Variants in RASAL3 observed in about 807,000 individuals in gnomAD.
RASAL3 encodes the protein RAS protein activator like 3, also known as RAS protein activator like-3.
A neutral mutation model predicts 105.5 loss-of-function variants in RASAL3; 74 were observed. The ratio of observed to expected loss-of-function variants is 0.70; its 90% CI spans 0.58 to 0.85. The LOEUF is 0.85. RASAL3 is among the 40% of genes least tolerant of loss of function. The pLI, the probability that RASAL3 is intolerant of heterozygous loss-of-function variation, is 0.00. For synonymous variants in RASAL3, 579 were observed against 591.6 expected, an observed-to-expected ratio of 0.98 and a Z score of 0.31; for missense variants, 1,352 against 1,392.0, an observed-to-expected ratio of 0.97 and a Z score of 0.46.
rs201985806 is a variant in RASAL3, at chr19:15,458,587, C to T, written c.731G>A (p.Arg244Gln). 8.1e-6 allele frequency: 13 copies of T among 1,613,508 alleles called. No individual in the cohort carries two copies. The highest frequency in any genetic ancestry group is 1.7e-4 in the Middle Eastern group (1 of 6,060). The change falls in exon 7 of 18, where the codon CGG (arginine) becomes CAG (glutamine). Residue 244 changes from arginine (R) to glutamine (Q), a missense_variant. Physicochemically the swap from Arg to Gln is conservative, Grantham distance 43. This residue lies in a region of RASAL3 where 344 missense variants were observed against 339.6 expected (regional missense o/e 1.01). Transcript: ENST00000343625. ...TLSELDLGAE[R>Q]DVRIWPLHPS... Reference sequence around the variant, plus strand: ...GTGCAGTGGCCAGATCCGCACATCCCGCTCGGCACCCAGGTCCAGTTCAGA... The same window carrying T: ...GTGCAGTGGCCAGATCCGCACATCCTGCTCGGCACCCAGGTCCAGTTCAGA...
At position 15,453,606 on chromosome 19, in the gene RASAL3, T is replaced by C; in HGVS notation, c.2280-109A>G. On this transcript the variant is annotated intron_variant, in intron 14 of 17. Coordinates refer to ENST00000343625, the MANE Select transcript of RASAL3 (RefSeq NM_022904.3). This position sits in a 1 kb window ranked among gnomAD's most constrained non-coding sequence, Gnocchi z 4.2. ...CCCACGTGAACTTGTCCTTTCTTTTTTTTTTTTGAGACAAGGTCTTGCTCT... is the reference window on the plus strand; with the variant it reads ...CCCACGTGAACTTGTCCTTTCTTTTCTTTTTTTGAGACAAGGTCTTGCTCT... 1 of 1,177,938 alleles carries C rather than the reference T, an allele frequency of 8.5e-7. No individual in the cohort carries two copies. Among genetic ancestry groups the C allele is most frequent in the Non-Finnish European group, 1.1e-6 (1 of 882,974 alleles). 73.0% of individuals were successfully genotyped at this position (1,177,938 alleles called of 1,614,324 possible). A position where few individuals can be genotyped will look rare whatever the true frequency, so the allele number is the denominator to read the frequency against.
Position 15,453,617 on chromosome 19 carries a change from A to G in RASAL3, c.2280-120T>C. On this transcript the variant is annotated intron_variant, in intron 14 of 17. Transcript: ENST00000343625. This position sits in a 1 kb window ranked among gnomAD's most constrained non-coding sequence, Gnocchi z 4.2. ...TTGTCCTTTCTTTTTTTTTTTTGAG[A>G]CAAGGTCTTGCTCTGTCGCCCAGGC... 2.0e-6 allele frequency: 2 copies of G among 1,023,404 alleles called. No individual in the cohort carries two copies. Among genetic ancestry groups the G allele is most frequent in the East Asian group, 3.2e-5 (1 of 30,824 alleles). The allele number at this position is 1,023,404 out of a possible 1,614,324, so 63.4% of individuals were successfully genotyped here. A position where few individuals can be genotyped will look rare whatever the true frequency, so the allele number is the denominator to read the frequency against.
In RASAL3 at chr19:15,453,413, CAG is replaced by C. The variant is rs762325565; in HGVS notation, c.2362_2363del (p.Leu788AlafsTer115). The C allele has an allele frequency of 6.6e-7, 1 of 1,519,618 alleles. No homozygotes were observed. The highest frequency in any genetic ancestry group is 2.6e-5 in the Admixed American group (1 of 38,906). The allele number at this position is 1,519,618 out of a possible 1,614,324, so 94.1% of individuals were successfully genotyped here. ...HTPLISKSQS[L>X]RSVRRSESWA... ...AACTCTCTGAGCGGCGAACGCTGCGCAGAGACTGGCTCTTGGAGATGAGAGGG... is the reference window on the plus strand; with the variant it reads ...AACTCTCTGAGCGGCGAACGCTGCGCAGACTGGCTCTTGGAGATGAGAGGG... On this transcript the variant is annotated frameshift_variant, in exon 15 of 18. Coordinates refer to ENST00000343625, the MANE Select transcript of RASAL3 (RefSeq NM_022904.3). LOFTEE classifies it high-confidence loss of function. The surrounding 1 kb of genome is among the most constrained non-coding windows in gnomAD (Gnocchi z 4.2).
rs1273496885 is a variant in RASAL3, at chr19:15,457,689, C to T, written c.1034G>A (p.Gly345Asp). ...ALLARTAPRA[G>D]PGQLFWAERF... ...CTCGGCCCAGAAGAGCTGGCCTGGG[C>T]CGGCCCGAGGCGCCGTGCGTGCCAG... The change falls in exon 9 of 18, where the codon GGC becomes GAC. Residue 345 changes from glycine to aspartate, a missense_variant. Around this residue, in one of 3 missense-constraint regions of RASAL3, gnomAD observed 88 missense variants for 132.7 expected, o/e 0.66. Coordinates refer to ENST00000343625, the MANE Select transcript of RASAL3 (RefSeq NM_022904.3). This position sits in a 1 kb window ranked among gnomAD's most constrained non-coding sequence, Gnocchi z 8.6. 6.9e-7 allele frequency: 1 copy of T among 1,454,692 alleles called. No individual in the cohort carries two copies. 90.1% of individuals were successfully genotyped at this position (1,454,692 alleles called of 1,614,324 possible). A position where few individuals can be genotyped will look rare whatever the true frequency, so the allele number is the denominator to read the frequency against.
chr19:15,454,609 C>T lies in RASAL3; in HGVS notation c.1959-47G>A, dbSNP rs1312746989. 2.5e-6 allele frequency: 4 copies of T among 1,612,254 alleles called. No individual in the cohort carries two copies. The African/African-American group carries it at 4.0e-5, about 16-fold the overall frequency. On this transcript the variant is annotated intron_variant, in intron 12 of 17. Transcript: ENST00000343625. ...TGGGTCAGGTCAGGCACCTGCCACC[C>T]CCACACTCCCAGCATGGTCCCCCCA... is the stretch of plus-strand genomic sequence containing the variant.
rs772826484 is a variant in RASAL3, at chr19:15,453,544, C to A, written c.2280-47G>T. 3 of 1,463,018 alleles carry A rather than the reference C, an allele frequency of 2.1e-6. No homozygotes were observed. Among genetic ancestry groups the A allele is most frequent in the Non-Finnish European group, 2.7e-6 (3 of 1,117,238 alleles). 90.6% of individuals were successfully genotyped at this position (1,463,018 alleles called of 1,614,324 possible). A position where few individuals can be genotyped will look rare whatever the true frequency, so the allele number is the denominator to read the frequency against. On this transcript the variant is annotated intron_variant, in intron 14 of 17. Transcript: ENST00000343625. The surrounding 1 kb of genome is among the most constrained non-coding windows in gnomAD (Gnocchi z 4.2). ...TTAGACCCTCCACTGGCCCCTGAGA[C>A]GACCCCATCCCGACCTGACCAGAAG...
Position 15,451,823 on chromosome 19 carries a change from G to T in RASAL3, c.3008C>A (p.Ala1003Glu). 1.2e-6 allele frequency: 2 copies of T among 1,603,098 alleles called. No individual in the cohort carries two copies. The change falls in exon 18 of 18, where the codon GCA becomes GAA. Residue 1003 changes from alanine to glutamate, a missense_variant. By Grantham distance (107) the Ala-to-Glu change is moderately radical. This residue lies in a region of RASAL3 where 920 missense variants were observed against 919.6 expected (regional missense o/e 1.00). Coordinates refer to ENST00000343625, the MANE Select transcript of RASAL3 (RefSeq NM_022904.3). ...GSWSQPQPLK[A>E]PCLNGDTT ...GGTGGTGTCTCCATTGAGGCAGGGT[G>T]CTTTGAGGGGCTGGGGTTGACTCCA...
chr19:15,458,356 T>C lies in RASAL3; in HGVS notation c.860A>G (p.Asp287Gly). 1.2e-6 allele frequency: 2 copies of C among 1,613,838 alleles called. No individual in the cohort carries two copies. The highest frequency in any genetic ancestry group is 1.7e-4 in the Middle Eastern group (1 of 6,060). Reference sequence around the variant, plus strand: ...GGTGGGCTGGAATTGGCGACGAAGGTCCTCGATCCAGCGGTCTCTCTCAGC... The same window carrying C: ...GGTGGGCTGGAATTGGCGACGAAGGCCCTCGATCCAGCGGTCTCTCTCAGC... ...SAAERDRWIE[D>G]LRRQFQPTQD... Residue 287 changes from aspartate (D) to glycine (G), a missense_variant, in exon 8 of 18, where the codon GAC (aspartate) becomes GGC (glycine). Around this residue, in one of 3 missense-constraint regions of RASAL3, gnomAD observed 88 missense variants for 132.7 expected, o/e 0.66. Coordinates refer to ENST00000343625, the MANE Select transcript of RASAL3 (RefSeq NM_022904.3).
intron 16 of RASAL3, 117 bp downstream of exon 16, chr19:15,452,541 G>A: frequency 1.1e-6 from 1 of 926,052 alleles, no homozygotes; most frequent in Non-Finnish European, 1.6e-6. Flanking sequence ...TTGGGGCGGG[G>A]CCAGGGTGGG....
Position 15,456,947 on chromosome 19 carries a change from T to C in RASAL3, c.1432-301A>G. On this transcript the variant is annotated intron_variant, in intron 9 of 17. Transcript: ENST00000343625. The surrounding 1 kb of genome is among the most constrained non-coding windows in gnomAD (Gnocchi z 4.4). ...AAGGTGTCCCGCCCCTTATGGGTGA[T>C]AATTAGGCCCCGCCCCTCACAGCTG... 2.1e-6 allele frequency: 1 copy of C among 479,510 alleles called. No homozygotes were observed. The highest frequency in any genetic ancestry group is 3.7e-6 in the Non-Finnish European group (1 of 266,806). The allele number at this position is 479,510 out of a possible 1,614,324, so 29.7% of individuals were successfully genotyped here. A position where few individuals can be genotyped will look rare whatever the true frequency, so the allele number is the denominator to read the frequency against.
Position 15,453,477 on chromosome 19 carries a change from G to T in RASAL3, c.2300C>A (p.Pro767His), listed in dbSNP as rs757733502. The T allele has an allele frequency of 2.6e-6, 4 of 1,536,962 alleles. No individual in the cohort carries two copies. The highest frequency in any genetic ancestry group is 3.5e-6 in the Non-Finnish European group (4 of 1,152,864). Residue 767 changes from proline (P) to histidine (H), a missense_variant, in exon 15 of 18, where the codon CCC (proline) becomes CAC (histidine). Transcript: ENST00000343625. This position sits in a 1 kb window ranked among gnomAD's most constrained non-coding sequence, Gnocchi z 4.2. ...VHSSLSAGEK[P>H]GFLAPRDLPK... ...GAGGTCCCGGGGGGCCAGGAAGCCG[G>T]GCTTCTCCCCTGCGGAGAGGCTAGG...
In RASAL3 at chr19:15,454,670, C is replaced by T. The variant is rs370836123; in HGVS notation, c.1945G>A (p.Ala649Thr). Residue 649 changes from alanine (A) to threonine (T), a missense_variant, in exon 12 of 18, where the codon GCC (alanine) becomes ACC (threonine). Physicochemically the swap from Ala to Thr is moderately conservative, Grantham distance 58. This residue lies in a region of RASAL3 where 920 missense variants were observed against 919.6 expected (regional missense o/e 1.00). Coordinates refer to ENST00000343625, the MANE Select transcript of RASAL3 (RefSeq NM_022904.3). Reference protein sequence around the residue: ...TLIAKVIQNLANRAPFGEKEA... With the variant: ...TLIAKVIQNLTNRAPFGEKEA... ...CCCAGCACCTACGGGGCACGGTTGG[C>T]GAGGTTCTGGATGACCTTGGCAATC... 4.8e-5 allele frequency: 77 copies of T among 1,608,754 alleles called. No homozygotes were observed. Among genetic ancestry groups the T allele is most frequent in the Non-Finnish European group, 6.4e-5 (75 of 1,176,524 alleles).
Position 15,451,669 on chromosome 19 carries a change from G to C in RASAL3, c.*126C>G. 1 of 991,508 alleles carries C rather than the reference G, an allele frequency of 1.0e-6. No homozygotes were observed. The highest frequency in any genetic ancestry group is 1.5e-6 in the Non-Finnish European group (1 of 682,008). 61.4% of individuals were successfully genotyped at this position (991,508 alleles called of 1,614,324 possible). On this transcript the variant is annotated 3_prime_UTR_variant, in exon 18 of 18. Coordinates refer to ENST00000343625, the MANE Select transcript of RASAL3 (RefSeq NM_022904.3). ...TACTGGGCAACTTCATACTGCCAGAGTGGTTGGGACCAGCAGCTCCACTCC... is the reference window on the plus strand; with the variant it reads ...TACTGGGCAACTTCATACTGCCAGACTGGTTGGGACCAGCAGCTCCACTCC...
At position 15,457,138 on chromosome 19, in the gene RASAL3, G is replaced by A. The variant is rs1009031525; in HGVS notation, c.1431+154C>T. Among the ~76,000 whole-genome samples, 3 of 151,596 alleles carry A rather than the reference G, an allele frequency of 2.0e-5. No individual in the cohort carries two copies. The highest frequency in any genetic ancestry group is 7.3e-5 in the African/African-American group (3 of 41,238). On this transcript the variant is annotated intron_variant, in intron 9 of 17. Transcript: ENST00000343625. The surrounding 1 kb of genome is among the most constrained non-coding windows in gnomAD (Gnocchi z 8.6). ...GCCCCGCCCTTCTAGGTGCCCCGCC[G>A]CTTACAGGTGACACTTGGACCACGC...
chr19:15,456,532 C>G lies in RASAL3; in HGVS notation c.1546G>C (p.Val516Leu). The G allele has an allele frequency of 6.2e-7, 1 of 1,613,758 alleles. No individual in the cohort carries two copies. Among genetic ancestry groups the G allele is most frequent in the Non-Finnish European group, 8.5e-7 (1 of 1,179,802 alleles). ...TKAIDEYMKLVAQDYLQETLG... is the reference protein window; with the variant it reads ...TKAIDEYMKLLAQDYLQETLG... ...GTCTCCTGGAGGTAATCCTGTGCCA[C>G]GAGCTTCATGTACTCATCGATAGCC... is the stretch of plus-strand genomic sequence containing the variant. The change falls in exon 10 of 18, where the codon GTG becomes CTG. Residue 516 changes from valine to leucine, a missense_variant. This residue lies in a region of RASAL3 where 920 missense variants were observed against 919.6 expected (regional missense o/e 1.00). Coordinates refer to ENST00000343625, the MANE Select transcript of RASAL3 (RefSeq NM_022904.3). This position sits in a 1 kb window ranked among gnomAD's most constrained non-coding sequence, Gnocchi z 4.4.
Position 15,452,119 on chromosome 19 carries a change from C to CG in RASAL3, c.2829-12dup, listed in dbSNP as rs1970169613. The stretch of plus-strand genomic sequence containing the variant: ...TCAAACTCTGAGCTCCTGTGGGGGT[C>CG]GGGGGATTGGGGCGAAGGGCAGAGG... On this transcript the variant is annotated splice_polypyrimidine_tract_variant and intron_variant, in intron 16 of 17. Coordinates refer to ENST00000343625, the MANE Select transcript of RASAL3 (RefSeq NM_022904.3). 1 of 1,613,608 alleles carries CG rather than the reference C, an allele frequency of 6.2e-7. No homozygotes were observed. The highest frequency in any genetic ancestry group is 8.5e-7 in the Non-Finnish European group (1 of 1,179,802).
In RASAL3 at chr19:15,464,281, G is replaced by A; in HGVS notation, c.78C>T (p.His26=). Residue 26 remains histidine, a synonymous_variant, in exon 2 of 18, where the codon CAC becomes CAT. Coordinates refer to ENST00000343625, the MANE Select transcript of RASAL3 (RefSeq NM_022904.3). The stretch of plus-strand genomic sequence containing the variant: ...CCGCCTTCTCCCCACCGCCCCCTGT[G>A]TGCCAGCGGTAGGAAGTCAGCGGAG... The part of the protein sequence containing the change: ...ATSPLTSYRW[H]TGGGGEKAAG... 2 of 1,611,758 alleles carry A rather than the reference G, an allele frequency of 1.2e-6. No homozygotes were observed. Among genetic ancestry groups the A allele is most frequent in the Non-Finnish European group, 1.7e-6 (2 of 1,179,316 alleles).
intron 6 of RASAL3, 130 bp from the exon 7 acceptor site, chr19:15,458,785 A>ACCCCCCCCCCCCCC (rs531818545): frequency 9.2e-7 from 1 of 1,090,674 alleles, no homozygotes; most frequent in African/African-American, 2.2e-5. Flanking sequence ...TGCCCCCCCC[A>ACCCCCCCCCCCCCC]CCCCCCGCCA....
Position 15,464,544 on chromosome 19 carries a change from C to G in RASAL3, c.-59G>C. The G allele has an allele frequency of 1.5e-6, 1 of 645,688 alleles. No individual in the cohort carries two copies. The highest frequency in any genetic ancestry group is 2.8e-5 in the East Asian group (1 of 36,014). The allele number at this position is 645,688 out of a possible 1,614,324, so 40.0% of individuals were successfully genotyped here. On this transcript the variant is annotated 5_prime_UTR_variant, in exon 1 of 18. Transcript: ENST00000343625. ...CAGCCCCAGAATCAGCAGCCGTCTGCACCCCGCCTGGCTTCCTCCCTCGGA... is the reference window on the plus strand; with the variant it reads ...CAGCCCCAGAATCAGCAGCCGTCTGGACCCCGCCTGGCTTCCTCCCTCGGA...
Sources: gnomAD v4.1 joint callset for allele counts (sites outside exome capture counted in the v4.1 genomes callset) on GRCh38, gnomAD v4.1.1 for gene constraint, gnomAD v4.1.1 regional missense constraint, Gnocchi (gnomAD v3.1) non-coding constraint, MANE v1.5 for transcripts, NCBI Gene and HGNC (gene_info 2026-07-23, HGNC 2026-07-21) for gene names.